The following HIVEP3 variants were observed in gnomAD, a reference collection of about 807,000 sequenced individuals.
The protein encoded by HIVEP3 is transcription factor HIVEP3.
In HIVEP3, 49 loss-of-function variants were observed where a neutral mutation model predicts 152.8. That is an observed-to-expected ratio of 0.32 (90% CI 0.26 to 0.41). The LOEUF is 0.41. Ranked by LOEUF, HIVEP3 falls within the 10% of genes least tolerant of loss-of-function variation. The pLI, the probability that HIVEP3 is intolerant of heterozygous loss-of-function variation, is 1.00. For missense variants in HIVEP3, 2,790 were observed against 3,103.3 expected (o/e 0.90, Z 2.40); for synonymous variants, 1,269 against 1,289.0 (o/e 0.98, Z 0.33).
intron 1 of HIVEP3, among the ~76,000 whole-genome samples, chr1:41,833,324 G>A (rs1452404179): frequency 1.3e-5 from 2 of 152,158 alleles, no homozygotes; most frequent in African/African-American, 2.4e-5. Flanking sequence ...TAGGGGTCAT[G>A]GAGTGCAGCT....
At chr1:42,026,345 T>A (rs56349148) in intron 1 of HIVEP3, among the ~76,000 whole-genome samples, 2,412 of 152,320 alleles carry the variant, frequency 0.016, 50 homozygotes, top group African/African-American at 0.051. Context: ...CTATATTTAT[T>A]AGGATCGACA....
Position 41,584,770 on chromosome 1 carries a change from T to G in HIVEP3, c.28A>C (p.Thr10Pro). The G allele has an allele frequency of 5.9e-6, 9 of 1,517,290 alleles. No homozygotes were observed. The highest frequency in any genetic ancestry group is 7.9e-6 in the Non-Finnish European group (9 of 1,134,258). 94.0% of individuals were successfully genotyped at this position (1,517,290 alleles called of 1,614,324 possible). MDPEQSVKG[T>P]KKAEGSPRKR... ...CGGGGACTTCCCTCAGCCTTCTTGG[T>G]GCCCTTGACACTTTGTTCAGGATCC... The change falls in exon 4 of 9, where the codon ACC becomes CCC. Residue 10 changes from threonine to proline, a missense_variant. By Grantham distance (38) the Thr-to-Pro change is conservative. Around this residue, in one of 9 missense-constraint regions of HIVEP3, gnomAD observed 209 missense variants for 237.0 expected, o/e 0.88. Transcript: ENST00000372583. This position sits in a 1 kb window ranked among gnomAD's most constrained non-coding sequence, Gnocchi z 5.2.
At chr1:41,601,065 T>C (rs1476008845) in intron 3 of HIVEP3, among the ~76,000 whole-genome samples, 1 of 152,170 alleles carries the variant, frequency 6.6e-6, no homozygotes, top group East Asian at 1.9e-4. Context: ...TCAGTCAGCA[T>C]ATATACTGGA....
chr1:41,530,761 G>A (rs919522763), intron 5 of HIVEP3, among the ~76,000 whole-genome samples: 11 of 152,168 alleles, frequency 7.2e-5, no homozygotes, highest in African/African-American at 2.7e-4. Flanking sequence ...AGGTGCCAGG[G>A]TCCATCTGCC....
chr1:41,921,448 T>G (rs544545674), upstream of HIVEP3, among the ~76,000 whole-genome samples: 2 of 152,262 alleles, frequency 1.3e-5, no homozygotes, highest in African/African-American at 2.4e-5. Flanking sequence ...GGTAGTTCCC[T>G]TGCACACGCT....
At chr1:41,739,551 G>C (rs1472284924) in intron 1 of HIVEP3, among the ~76,000 whole-genome samples, 2 of 152,028 alleles carry the variant, frequency 1.3e-5, no homozygotes, top group Non-Finnish European at 2.9e-5. Context: ...GAGTTACCCA[G>C]CTCAGCAGAG....
chr1:41,844,469 G>A (rs1320138502), intron 1 of HIVEP3, among the ~76,000 whole-genome samples: 3 of 152,192 alleles, frequency 2.0e-5, no homozygotes. Context: ...CTCCCCAGCA[G>A]TATCGCTAGA....
intron 6 of HIVEP3, among the ~76,000 whole-genome samples, chr1:41,518,725 G>C (rs2149049440): frequency 6.6e-6 from 1 of 152,278 alleles, no homozygotes; most frequent in African/African-American, 2.4e-5. Context: ...GGTGGGCGAG[G>C]GCTGTGAGGG....
chr1:41,577,306 C>T (rs1234292231), intron 4 of HIVEP3, among the ~76,000 whole-genome samples: 1 of 152,250 alleles, frequency 6.6e-6, no homozygotes, highest in Non-Finnish European at 1.5e-5. Context: ...ATTATCTCCA[C>T]AGTCCTATGC....
chr1:41,897,728 C>T (rs994264885), intron 1 of HIVEP3, among the ~76,000 whole-genome samples: 5 of 152,058 alleles, frequency 3.3e-5, no homozygotes, highest in African/African-American at 1.2e-4. Context: ...GAGACAAACA[C>T]AGAAGCTCAA....
At chr1:41,984,076 G>A (rs1028682216) in intron 1 of HIVEP3, among the ~76,000 whole-genome samples, 5 of 152,162 alleles carry the variant, frequency 3.3e-5, no homozygotes, top group East Asian at 1.9e-4. Context: ...GACTCTAAGC[G>A]ATCCTCCCTC....
chr1:41,786,669 C>T lies in HIVEP3; in HGVS notation c.-800-85674G>A, dbSNP rs547354950. ...TGAAATATTTACTACTACCTGGTCTCTTACCAGGAAAGCTTGCCGACCCCT... is the reference window on the plus strand; with the variant it reads ...TGAAATATTTACTACTACCTGGTCTTTTACCAGGAAAGCTTGCCGACCCCT... On this transcript the variant is annotated intron_variant, in intron 1 of 8. Transcript: ENST00000372583. 5.9e-5 allele frequency among the ~76,000 whole-genome samples: 9 copies of T among 152,252 alleles called. No individual in the cohort carries two copies. In the South Asian group the frequency reaches 1.9e-3, roughly 32 times the overall value.
Position 41,898,882 on chromosome 1 carries a change from T to C in HIVEP3, c.-801+19531A>G, listed in dbSNP as rs115499370. ...TTCCCAGGCTAGAAGACAGACCAGA[T>C]CTATTCATTCAGCAAGCATTAAAAA... is the stretch of plus-strand genomic sequence containing the variant. On this transcript the variant is annotated intron_variant, in intron 1 of 8. Coordinates refer to ENST00000372583, the MANE Select transcript of HIVEP3 (RefSeq NM_024503.5). 2.6e-3 allele frequency among the ~76,000 whole-genome samples: 389 copies of C among 152,376 alleles called. 3 individuals are homozygous for C. Among genetic ancestry groups the C allele is most frequent in the African/African-American group, 9.0e-3 (373 of 41,588 alleles).
intron 2 of HIVEP3, among the ~76,000 whole-genome samples, chr1:41,650,152 A>C (rs1208520160): frequency 6.6e-6 from 1 of 152,126 alleles, no homozygotes; most frequent in Non-Finnish European, 1.5e-5. Flanking sequence ...GTGGCTGGGC[A>C]GCACCCGGTT....
intron 5 of HIVEP3, among the ~76,000 whole-genome samples, chr1:41,529,153 T>C (rs1643143829): frequency 2.2e-4 from 6 of 26,946 alleles, no homozygotes; most frequent in South Asian, 1.9e-3. Flanking sequence ...ACACACACCC[T>C]CACCCTCACA....
Position 41,755,183 on chromosome 1 carries a change from A to T in HIVEP3, c.-800-54188T>A, listed in dbSNP as rs1477215493. ...AGCCAACCGAGTTTGGACAAAGGCA[A>T]AAAAGCAATTCAATGAAGGAAGCAT... is the stretch of plus-strand genomic sequence containing the variant. On this transcript the variant is annotated intron_variant, in intron 1 of 8. Transcript: ENST00000372583. Among the ~76,000 whole-genome samples the T allele has an allele frequency of 2.0e-5, 3 of 152,238 alleles. No homozygotes were observed. In the East Asian group the frequency reaches 5.8e-4, roughly 29 times the overall value.
At chr1:41,695,556 T>G (rs552562185) in intron 2 of HIVEP3, among the ~76,000 whole-genome samples, 4 of 152,166 alleles carry the variant, frequency 2.6e-5, no homozygotes, top group African/African-American at 9.6e-5. Context: ...AGGAGGTGAA[T>G]CACAAGGAAA....
At chr1:41,722,367 G>A (rs1646685919) in intron 1 of HIVEP3, among the ~76,000 whole-genome samples, 1 of 151,550 alleles carries the variant, frequency 6.6e-6, no homozygotes, top group South Asian at 2.1e-4. Flanking sequence ...GGCTGGCCCT[G>A]GCTGGACCTG....
chr1:41,940,230 A>C (rs1422611848), intron 1 of HIVEP3, among the ~76,000 whole-genome samples: 1 of 152,236 alleles, frequency 6.6e-6, no homozygotes, highest in African/African-American at 2.4e-5. Context: ...AATTTTAAAA[A>C]ATATAGGTAC....
Sources: allele counts gnomAD v4.1 joint callset (sites outside exome capture counted in the v4.1 genomes callset), GRCh38; gene constraint gnomAD v4.1.1; regional missense constraint gnomAD v4.1.1; non-coding constraint Gnocchi (gnomAD v3.1); transcripts MANE v1.5; gene names NCBI Gene and HGNC (gene_info 2026-07-23, HGNC 2026-07-21).